Variants in WFDC10B observed in about 807,000 individuals in gnomAD.
WFDC10B encodes WAP four-disulfide core domain 10B.
WFDC10B carries 1 observed loss-of-function variant against 2.7 expected under a neutral mutation model. That is an observed-to-expected ratio of 0.38 (90% CI 0.13 to 1.79). The LOEUF is 1.79. Among genes scored for constraint, WFDC10B ranks in the 40% most tolerant of loss-of-function variants. The probability of loss-of-function intolerance (pLI) is 0.33; values close to 1 mark genes in which losing one functional copy is unlikely to be tolerated. For missense variants in WFDC10B, 71 were observed against 87.8 expected (o/e 0.81, Z 0.76); for synonymous variants, 26 against 32.2 (o/e 0.81, Z 0.65).
intron 2 of WFDC10B, among the ~76,000 whole-genome samples, 177 bp from the exon 3 acceptor site, chr20:45,686,233 C>T (rs1225794137): frequency 6.6e-6 from 1 of 152,194 alleles, no homozygotes; most frequent in Non-Finnish European, 1.5e-5. Flanking sequence ...CATCACATAA[C>T]CAGTCCTGTG....
intron 2 of WFDC10B, among the ~76,000 whole-genome samples, chr20:45,701,386 A>G (rs1050160548): frequency 2.0e-5 from 3 of 152,220 alleles, no homozygotes; most frequent in Non-Finnish European, 4.4e-5. Context: ...AGCAAACTGG[A>G]AAGTTAACTT....
chr20:45,690,448 C>T (rs954006265), intron 2 of WFDC10B, among the ~76,000 whole-genome samples: 6 of 151,656 alleles, frequency 4.0e-5, no homozygotes, highest in East Asian at 1.9e-4. Flanking sequence ...TGGTAGAATT[C>T]GGCTGTGAAT....
At chr20:45,686,985 T>A (rs1256166918) in intron 2 of WFDC10B, among the ~76,000 whole-genome samples, 1 of 152,164 alleles carries the variant, frequency 6.6e-6, no homozygotes, top group Non-Finnish European at 1.5e-5. Flanking sequence ...TCTTATCAAT[T>A]CATTACACAA....
At chr20:45,688,939 G>A (rs1292337549) in intron 2 of WFDC10B, among the ~76,000 whole-genome samples, 6 of 151,916 alleles carry the variant, frequency 3.9e-5, no homozygotes, top group Non-Finnish European at 7.4e-5. Flanking sequence ...GAATGGTAAT[G>A]CCTAGGTTTT....
intron 2 of WFDC10B, among the ~76,000 whole-genome samples, chr20:45,699,973 A>G (rs1209438349): frequency 1.3e-5 from 2 of 152,190 alleles, no homozygotes; most frequent in African/African-American, 2.4e-5. Context: ...CACCGCACCC[A>G]GCCGTGCATT....
At chr20:45,685,363 G>T (rs1366338462) in intron 3 of WFDC10B, among the ~76,000 whole-genome samples, 3 of 151,958 alleles carry the variant, frequency 2.0e-5, no homozygotes, top group South Asian at 2.1e-4. Flanking sequence ...AGATGAACTT[G>T]CCTCTCATCC....
intron 2 of WFDC10B, chr20:45,702,315 G>A: frequency 2.5e-6 from 3 of 1,179,594 alleles, no homozygotes; most frequent in Non-Finnish European, 2.4e-6. Context: ...ACCGTGTCAT[G>A]TTCAAGGGCC....
chr20:45,699,894 G>A (rs996358553), intron 2 of WFDC10B, among the ~76,000 whole-genome samples: 6 of 152,142 alleles, frequency 3.9e-5, no homozygotes, highest in African/African-American at 1.2e-4. Context: ...GACCAGGCTG[G>A]TCTCGAACTC....
chr20:45,686,714 G>A (rs969078002), intron 2 of WFDC10B, among the ~76,000 whole-genome samples: 7 of 151,598 alleles, frequency 4.6e-5, no homozygotes, highest in Admixed American at 1.3e-4. Flanking sequence ...CCAGGCTGGA[G>A]TGCAATGGCG....
chr20:45,701,179 T>C (rs958984753), intron 2 of WFDC10B, among the ~76,000 whole-genome samples: 3 of 152,142 alleles, frequency 2.0e-5, no homozygotes, highest in Admixed American at 6.5e-5. Context: ...TTCAATGAAA[T>C]TGATGGTTGG....
At chr20:45,685,076 T>C in intron 3 of WFDC10B, 116 bp from the exon 4 acceptor site, 1 of 1,375,392 alleles carries the variant, frequency 7.3e-7, no homozygotes, top group South Asian at 1.3e-5. Context: ...ACGACTCTCC[T>C]GGACTCTTCA....
chr20:45,697,931 A>G (rs1341922841), intron 2 of WFDC10B, among the ~76,000 whole-genome samples: 2 of 151,122 alleles, frequency 1.3e-5, no homozygotes, highest in Non-Finnish European at 2.9e-5. Context: ...TTTAGTAGAG[A>G]TGGGGTTTCA....
At chr20:45,687,202 T>C (rs549413342) in intron 2 of WFDC10B, among the ~76,000 whole-genome samples, 61 of 152,206 alleles carry the variant, frequency 4.0e-4, no homozygotes, top group Non-Finnish European at 7.1e-4. Context: ...CCTGTGTCCA[T>C]GTATTCTCAT....
intron 2 of WFDC10B, among the ~76,000 whole-genome samples, chr20:45,696,559 T>C (rs955127405): frequency 2.0e-5 from 3 of 151,960 alleles, no homozygotes; most frequent in Non-Finnish European, 4.4e-5. Context: ...TATCAGAAAT[T>C]AGAGTGGGAC....
rs1983557282 is a variant in WFDC10B at position 45,684,923 on chromosome 20, T to C, written c.129A>G (p.Leu43=). ...KVCEKRPSID[L]CIHHCSYFQK... ...GGAAATATGAACAGTGGTGGATGCA[T>C]AGATCTATGCTGGGTCGCTTCTCAC... The change falls in exon 4 of 4, where the codon CTA becomes CTG. Residue 43 remains leucine, a synonymous_variant. Transcript: ENST00000330523. 1.2e-6 allele frequency: 2 copies of C among 1,613,894 alleles called. No individual in the cohort carries two copies. Among genetic ancestry groups the C allele is most frequent in the African/African-American group, 1.3e-5 (1 of 74,900 alleles).
intron 2 of WFDC10B, among the ~76,000 whole-genome samples, chr20:45,694,131 TTTAA>T: frequency 6.7e-6 from 1 of 148,544 alleles, no homozygotes. Context: ...AGCTCTTTAG[TTTAA>T]TTAGATGCCA....
chr20:45,700,787 C>T (rs1422910025), intron 2 of WFDC10B, among the ~76,000 whole-genome samples: 1 of 152,106 alleles, frequency 6.6e-6, no homozygotes, highest in Non-Finnish European at 1.5e-5. Context: ...ACACTATCAC[C>T]ACTTACATAT....
chr20:45,702,266 A>T, intron 2 of WFDC10B: 2 of 1,535,084 alleles, frequency 1.3e-6, no homozygotes, highest in Middle Eastern at 1.7e-4. Context: ...ATAGGAGAGG[A>T]TCTGAGGGCT....
rs1983560217 is a variant in WFDC10B at position 45,684,977 on chromosome 20, G to A, written c.92-17C>T. On this transcript the variant is annotated splice_polypyrimidine_tract_variant and intron_variant, in intron 3 of 3. Transcript: ENST00000330523. ...CCTTGATTCCTGAAATGATGCAGGA[G>A]CAGGGTCAATGAAACCATGCACCTA... is the stretch of plus-strand genomic sequence containing the variant. 2 of 1,613,442 alleles carry A rather than the reference G, an allele frequency of 1.2e-6. No homozygotes were observed. Among genetic ancestry groups the A allele is most frequent in the Non-Finnish European group, 1.7e-6 (2 of 1,179,684 alleles).
Sources: gnomAD v4.1 joint callset for allele counts (sites outside exome capture counted in the v4.1 genomes callset) on GRCh38, gnomAD v4.1.1 for gene constraint, MANE v1.5 for transcripts, NCBI Gene and HGNC (gene_info 2026-07-23, HGNC 2026-07-21) for gene names.